The following OR3A2 variants were observed in gnomAD, a reference collection of about 807,000 sequenced individuals.
OR3A2 encodes the protein olfactory receptor family 3 subfamily A member 2.
For synonymous variants in OR3A2, 126 were observed against 159.3 expected, an observed-to-expected ratio of 0.79 and a Z score of 1.57; for missense variants, 318 against 392.8, an observed-to-expected ratio of 0.81 and a Z score of 1.61.
chr17:3,379,918 C>T (rs2049718718), intron 2 of OR3A2, among the ~76,000 whole-genome samples: 1 of 152,162 alleles, frequency 6.6e-6, no homozygotes, highest in Non-Finnish European at 1.5e-5. Context: ...CTCTCCTACT[C>T]AGTTCTCTAG....
chr17:3,295,874 C>T (rs755335321), intron 3 of OR3A2, among the ~76,000 whole-genome samples: 9 of 151,990 alleles, frequency 5.9e-5, no homozygotes, highest in Non-Finnish European at 1.2e-4. Flanking sequence ...GGTATGAAAA[C>T]GAATGTCCTA....
chr17:3,279,241 G>A, intron 1 of OR3A2, 88 bp from the exon 4 acceptor site: 1 of 416,318 alleles, frequency 2.4e-6, no homozygotes, highest in Middle Eastern at 6.4e-4. Flanking sequence ...GCCACAGGGG[G>A]GAAATGGGTA....
chr17:3,382,717 TTTCCACTCCCAA>T (rs1395528675), intron 2 of OR3A2, among the ~76,000 whole-genome samples: 1 of 152,220 alleles, frequency 6.6e-6, no homozygotes, highest in East Asian at 1.9e-4. Context: ...TGAAATGCCC[TTTCCACTCCCAA>T]GCATCTGTAT....
intron 3 of OR3A2, among the ~76,000 whole-genome samples, chr17:3,329,215 G>A (rs1439125966): frequency 6.6e-6 from 1 of 151,748 alleles, no homozygotes; most frequent in Non-Finnish European, 1.5e-5. Flanking sequence ...TCAGAATGAT[G>A]CTGGCCTCAT....
intron 3 of OR3A2, among the ~76,000 whole-genome samples, chr17:3,314,614 G>T (rs1036985029): frequency 4.6e-5 from 7 of 152,004 alleles, no homozygotes; most frequent in African/African-American, 1.7e-4. Flanking sequence ...ATGACTTTCG[G>T]TTTTTACTCC....
chr17:3,303,743 C>CAAA (rs71153338), intron 3 of OR3A2, among the ~76,000 whole-genome samples: 1 of 106,758 alleles, frequency 9.4e-6, no homozygotes, highest in African/African-American at 3.9e-5. Flanking sequence ...GACTTCATCT[C>CAAA]AAAAAAAAAA....
intron 2 of OR3A2, among the ~76,000 whole-genome samples, chr17:3,370,624 GTTCTTTCGGATT>G (rs1248532939): frequency 8.2e-6 from 1 of 121,976 alleles, no homozygotes; most frequent in African/African-American, 3.3e-5. Context: ...TTGTCTATTT[GTTCTTTCGGATT>G]TTTTTTTTTA....
At chr17:3,296,390 G>A (rs886132164) in intron 3 of OR3A2, among the ~76,000 whole-genome samples, 1 of 151,892 alleles carries the variant, frequency 6.6e-6, no homozygotes, top group Non-Finnish European at 1.5e-5. Flanking sequence ...AACAACGAAA[G>A]AATTAAATGA....
Position 3,327,474 on chromosome 17 carries a change from AG to A in OR3A2, c.-85+8558del, listed in dbSNP as rs967541205. Among the ~76,000 whole-genome samples, 184 of 132,792 alleles carry A rather than the reference AG, an allele frequency of 1.4e-3. 2 individuals carry two copies. The East Asian group carries it at 0.04, about 29-fold the overall frequency. 87.1% of individuals were successfully genotyped at this position (132,792 alleles called of 152,430 possible). A position where few individuals can be genotyped will look rare whatever the true frequency, so the allele number is the denominator to read the frequency against. ...GATATTAGCCCTTTGTCAGATGAGT[AG>A]GTTGCAAAAGTTTTCTCCCATTCCG... On this transcript the variant is annotated intron_variant, in intron 3 of 4. Transcript: ENST00000573491.
At position 3,372,156 on chromosome 17, in the gene OR3A2, C is replaced by T. The variant is rs1400069749; in HGVS notation, c.-179+11648G>A. 2.8e-4 allele frequency among the ~76,000 whole-genome samples: 42 copies of T among 149,462 alleles called. No individual in the cohort carries two copies. The East Asian group carries it at 2.9e-3, about 10-fold the overall frequency. ...CTCACCTCCCAGACAGGGTCGCGGC[C>T]GGGTAGAGGTGCTCCTCACATCCCA... On this transcript the variant is annotated intron_variant, in intron 2 of 4. Transcript: ENST00000573491.
chr17:3,372,588 G>A (rs1389952742), intron 2 of OR3A2, among the ~76,000 whole-genome samples: 6 of 152,122 alleles, frequency 3.9e-5, no homozygotes, highest in African/African-American at 9.7e-5. Context: ...TCGGGAGGCC[G>A]AGGCTGGCGG....
At chr17:3,369,148 G>T (rs1039363553) in intron 2 of OR3A2, among the ~76,000 whole-genome samples, 7 of 152,140 alleles carry the variant, frequency 4.6e-5, no homozygotes, top group African/African-American at 1.7e-4. Flanking sequence ...TGAGTCTTTA[G>T]GGTTTTCTAG....
chr17:3,361,969 T>G lies in OR3A2; in HGVS notation c.-179+21835A>C, dbSNP rs1388877900. On this transcript the variant is annotated intron_variant, in intron 2 of 4. Transcript: ENST00000573491. Reference sequence around the variant, plus strand: ...GTGGATTCCCTCTTTTTCTATTGATTGGAATAGTTTCAGAAGGAATGGTAC... The same window carrying G: ...GTGGATTCCCTCTTTTTCTATTGATGGGAATAGTTTCAGAAGGAATGGTAC... Among the ~76,000 whole-genome samples, 4 of 151,698 alleles carry G rather than the reference T, an allele frequency of 2.6e-5. 1 individual carries two copies. The highest frequency in any genetic ancestry group is 9.8e-5 in the African/African-American group (4 of 40,992).
At chr17:3,322,567 TTG>T (rs2049133292) in intron 3 of OR3A2, among the ~76,000 whole-genome samples, 1 of 152,204 alleles carries the variant, frequency 6.6e-6, no homozygotes. Context: ...TTCTGGTATG[TTG>T]TGTGTTTGAT....
intron 1 of OR3A2, among the ~76,000 whole-genome samples, chr17:3,280,099 T>G (rs1411566641): frequency 6.6e-6 from 1 of 152,214 alleles, no homozygotes; most frequent in Non-Finnish European, 1.5e-5. Context: ...ACCAAAGTTG[T>G]GGTCATAGCC....
chr17:3,283,484 C>T (rs1383329065), intron 1 of OR3A2, among the ~76,000 whole-genome samples: 2 of 152,208 alleles, frequency 1.3e-5, no homozygotes, highest in Non-Finnish European at 2.9e-5. Flanking sequence ...CTCAGCCTCC[C>T]AAAGTGCTGG....
intron 2 of OR3A2, among the ~76,000 whole-genome samples, chr17:3,372,819 A>C (rs1460252907): frequency 7.7e-6 from 1 of 129,668 alleles, no homozygotes; most frequent in South Asian, 2.6e-4. Flanking sequence ...CCATGGAAAG[A>C]GGGAGAGGGA....
chr17:3,286,752 C>T (rs1018194469), upstream of OR3A2, among the ~76,000 whole-genome samples: 2 of 152,120 alleles, frequency 1.3e-5, no homozygotes, highest in Non-Finnish European at 2.9e-5. Flanking sequence ...ATATCCTTCG[C>T]TCACTTTTTG....
At chr17:3,350,920 CA>C (rs1405991616) in intron 2 of OR3A2, among the ~76,000 whole-genome samples, 2 of 150,262 alleles carry the variant, frequency 1.3e-5, no homozygotes, top group Non-Finnish European at 3.0e-5. Context: ...TAAACAGAAC[CA>C]AAGACAAAAA....
Sources: gnomAD v4.1 joint callset for allele counts (sites outside exome capture counted in the v4.1 genomes callset) on GRCh38, gnomAD v4.1.1 for gene constraint, MANE v1.5 for transcripts, NCBI Gene and HGNC (gene_info 2026-07-23, HGNC 2026-07-21) for gene names.